The following DAW1 variants were observed in gnomAD, a reference collection of about 807,000 sequenced individuals.
DAW1 encodes dynein assembly factor with WD repeats 1.
Under a neutral mutation model 56.5 loss-of-function variants are expected in DAW1, and 47 were observed. The ratio of observed to expected loss-of-function variants is 0.83; its 90% CI spans 0.66 to 1.06. The LOEUF (loss-of-function observed/expected upper bound fraction) is 1.06. DAW1 is among the 50% of genes least tolerant of loss of function. DAW1 has a pLI of 0.00. For synonymous variants in DAW1, 190 were observed against 179.0 expected (o/e 1.06, Z -0.49); for missense variants, 505 against 499.3 (o/e 1.01, Z -0.11).
In DAW1 at chr2:227,918,822, C is replaced by G; in HGVS notation, c.1016C>G (p.Ala339Gly). The G allele has an allele frequency of 1.2e-6, 2 of 1,614,040 alleles. No individual in the cohort carries two copies. The highest frequency in any genetic ancestry group is 1.7e-6 in the Non-Finnish European group (2 of 1,180,022). ...AGTGCTGCCACAAGAAAATGCATTG[C>G]CAAACTGGAAGGTCATGAAGGTGAA... ...IFSAATRKCI[A>G]KLEGHEGEIS... Residue 339 changes from alanine to glycine, a missense_variant, in exon 11 of 13, where the codon GCC (alanine) becomes GGC (glycine). By Grantham distance (60) the Ala-to-Gly change is moderately conservative. Transcript: ENST00000309931.
At chr2:227,896,620 G>GTGTA (rs1691414589) in intron 5 of DAW1, among the ~76,000 whole-genome samples, 1 of 151,788 alleles carries the variant, frequency 6.6e-6, no homozygotes, top group Non-Finnish European at 1.5e-5. Context: ...GTGTGTGTGT[G>GTGTA]TGTGTGTGTG....
intron 6 of DAW1, among the ~76,000 whole-genome samples, chr2:227,900,790 G>A (rs1691522677): frequency 1.3e-5 from 2 of 152,212 alleles, no homozygotes; most frequent in South Asian, 4.1e-4. Context: ...GCTGCCTGCT[G>A]TGCATGGCCA....
intron 1 of DAW1, among the ~76,000 whole-genome samples, chr2:227,877,947 G>A (rs1377120333): frequency 1.3e-5 from 2 of 152,362 alleles, no homozygotes; most frequent in Admixed American, 1.3e-4. Context: ...TTTCAATTTT[G>A]TAGTGTATTC....
Position 227,921,499 on chromosome 2 carries a change from A to C in DAW1, c.1151A>C (p.Glu384Ala), listed in dbSNP as rs765174337. Reference protein sequence around the residue: ...AQTGQCLQVLEGHTDEIFSCA... With the variant: ...AQTGQCLQVLAGHTDEIFSCA... The stretch of plus-strand genomic sequence containing the variant: ...ACTGGCCAGTGCCTCCAGGTTCTTG[A>C]GGGGCACACTGATGAAATCTTTTCA... The change falls in exon 12 of 13, where the codon GAG (glutamate) becomes GCG (alanine). Residue 384 changes from glutamate to alanine, a missense_variant. Transcript: ENST00000309931. 2 of 1,613,806 alleles carry C rather than the reference A, an allele frequency of 1.2e-6. No homozygotes were observed. The highest frequency in any genetic ancestry group is 1.7e-6 in the Non-Finnish European group (2 of 1,179,976).
chr2:227,919,853 T>G (rs1692062438), intron 11 of DAW1, among the ~76,000 whole-genome samples: 1 of 152,216 alleles, frequency 6.6e-6, no homozygotes. Context: ...TTGATGATTT[T>G]AGGTTTCTAA....
intron 6 of DAW1, 58 bp downstream of exon 6, chr2:227,898,339 G>A: frequency 2.2e-6 from 2 of 919,470 alleles, no homozygotes; most frequent in Non-Finnish European, 2.8e-6. Context: ...TATTTTCTTT[G>A]AGATGGAGTC....
At position 227,912,446 on chromosome 2, in the gene DAW1, G is replaced by T. The variant is rs914487503; in HGVS notation, c.973+5194G>T. 3 of 1,304,562 alleles carry T rather than the reference G, an allele frequency of 2.3e-6. No homozygotes were observed. In the African/African-American group the frequency reaches 4.6e-5, roughly 20 times the overall value. 80.8% of individuals were successfully genotyped at this position (1,304,562 alleles called of 1,614,324 possible). A position where few individuals can be genotyped will look rare whatever the true frequency, so the allele number is the denominator to read the frequency against. ...CTGGACGTGATGCTAAACTATGCCTGTGTCATCTGCTGTCAACAATATGGT... is the reference window on the plus strand; with the variant it reads ...CTGGACGTGATGCTAAACTATGCCTTTGTCATCTGCTGTCAACAATATGGT... On this transcript the variant is annotated intron_variant, in intron 10 of 12. Coordinates refer to ENST00000309931, the MANE Select transcript of DAW1 (RefSeq NM_178821.3).
intron 1 of DAW1, among the ~76,000 whole-genome samples, chr2:227,873,193 C>T (rs902286149): frequency 6.6e-6 from 1 of 152,194 alleles, no homozygotes; most frequent in Non-Finnish European, 1.5e-5. Flanking sequence ...CAATCAATGT[C>T]AACCACCTGA....
In DAW1 at chr2:227,904,917, C is replaced by T; in HGVS notation, c.649-12C>T. ...CTGCAGGTATACTTGACAGTATCTGCTCTTTTTCTAGGGACATTCTGCCGA... is the reference window on the plus strand; with the variant it reads ...CTGCAGGTATACTTGACAGTATCTGTTCTTTTTCTAGGGACATTCTGCCGA... On this transcript the variant is annotated splice_polypyrimidine_tract_variant and intron_variant, in intron 7 of 12. Transcript: ENST00000309931. 1 of 1,608,178 alleles carries T rather than the reference C, an allele frequency of 6.2e-7. No individual in the cohort carries two copies. Among genetic ancestry groups the T allele is most frequent in the Non-Finnish European group, 8.5e-7 (1 of 1,175,554 alleles).
chr2:227,910,156 A>AAT (rs1488346046), intron 10 of DAW1, among the ~76,000 whole-genome samples: 1 of 152,082 alleles, frequency 6.6e-6, no homozygotes, highest in Non-Finnish European at 1.5e-5. Flanking sequence ...GATGCTATAT[A>AAT]ATATATGCAT....
intron 1 of DAW1, chr2:227,876,331 TCTTAGG>T: frequency 1.1e-6 from 1 of 930,188 alleles, no homozygotes; most frequent in Non-Finnish European, 1.4e-6. Flanking sequence ...AGCCTAGGAT[TCTTAGG>T]CTCACGTAAT....
intron 11 of DAW1, among the ~76,000 whole-genome samples, chr2:227,920,005 G>T (rs1692065831): frequency 6.6e-6 from 1 of 152,148 alleles, no homozygotes; most frequent in South Asian, 2.1e-4. Flanking sequence ...TTCATAAGCT[G>T]GGAGGCTTAT....
In DAW1 at chr2:227,905,024, T is replaced by A; in HGVS notation, c.744T>A (p.Ala248=). ...ATCATACCGTTGTAGTGTGGGACGC[T>A]GATACTGGAAGGTAATTCTTAGTTC... The part of the protein sequence containing the change: ...SFDHTVVVWD[A]DTGRKVNILI... Residue 248 remains alanine (A), a synonymous_variant, in exon 8 of 13, where the codon GCT becomes GCA. Coordinates refer to ENST00000309931, the MANE Select transcript of DAW1 (RefSeq NM_178821.3). The A allele has an allele frequency of 6.2e-7, 1 of 1,612,544 alleles. No homozygotes were observed. The highest frequency in any genetic ancestry group is 8.5e-7 in the Non-Finnish European group (1 of 1,179,096).
intron 10 of DAW1, among the ~76,000 whole-genome samples, chr2:227,914,419 A>G (rs1293606390): frequency 1.3e-5 from 2 of 152,020 alleles, no homozygotes; most frequent in African/African-American, 4.8e-5. Context: ...GTTATTTGTC[A>G]TAAGTAGTGA....
At chr2:227,873,829 C>T (rs1489382958) in intron 1 of DAW1, among the ~76,000 whole-genome samples, 2 of 152,130 alleles carry the variant, frequency 1.3e-5, no homozygotes, top group African/African-American at 4.8e-5. Flanking sequence ...CACAGGTGTG[C>T]ACTACCAAGC....
intron 2 of DAW1, among the ~76,000 whole-genome samples, chr2:227,886,805 A>G (rs1487052504): frequency 1.3e-5 from 2 of 152,182 alleles, no homozygotes; most frequent in South Asian, 2.1e-4. Flanking sequence ...ACAAACAAAC[A>G]AACAAACATC....
chr2:227,896,467 C>T (rs1212689207), intron 5 of DAW1, among the ~76,000 whole-genome samples: 2 of 152,124 alleles, frequency 1.3e-5, no homozygotes, highest in Non-Finnish European at 2.9e-5. Flanking sequence ...GAAAAACCCA[C>T]GTGTCCAATC....
chr2:227,873,333 T>C (rs1690801211), intron 1 of DAW1, among the ~76,000 whole-genome samples: 2 of 152,338 alleles, frequency 1.3e-5, no homozygotes, highest in South Asian at 4.1e-4. Context: ...CTTTCCCATT[T>C]AATGTAAACT....
In DAW1 at chr2:227,893,794, G is replaced by C. The variant is rs1420971917; in HGVS notation, c.318-1G>C. 1.2e-6 allele frequency: 2 copies of C among 1,609,990 alleles called. No homozygotes were observed. Among genetic ancestry groups the C allele is most frequent in the African/African-American group, 1.3e-5 (1 of 74,638 alleles). On this transcript the variant is annotated splice_acceptor_variant, in intron 4 of 12. Coordinates refer to ENST00000309931, the MANE Select transcript of DAW1 (RefSeq NM_178821.3). LOFTEE classifies it high-confidence loss of function. ...CAACGTGTTTATATTCCTTGTGTTA[G>C]CTTTATCACAGGAAGCTATGATCGG...
Sources: gnomAD v4.1 joint callset for allele counts (sites outside exome capture counted in the v4.1 genomes callset) on GRCh38, gnomAD v4.1.1 for gene constraint, MANE v1.5 for transcripts, NCBI Gene and HGNC (gene_info 2026-07-23, HGNC 2026-07-21) for gene names.